The following ARHGEF19 variants were observed in gnomAD, a reference collection of about 807,000 sequenced individuals.
The protein encoded by ARHGEF19 is Rho guanine nucleotide exchange factor (GEF) 19.
In ARHGEF19, 92 loss-of-function variants were observed where a neutral mutation model predicts 87.6. The observed-to-expected ratio is 1.05, with a 90% CI of 0.89 to 1.25. The LOEUF is 1.25. Ranked by LOEUF, ARHGEF19 falls within the 50% of genes most tolerant of loss-of-function variation. The pLI is 0.00. For synonymous variants in ARHGEF19, 438 were observed against 446.2 expected, an observed-to-expected ratio of 0.98 and a Z score of 0.23; for missense variants, 1,054 against 1,051.8, an observed-to-expected ratio of 1.00 and a Z score of -0.03.
chr1:16,207,506 C>CG lies in ARHGEF19; in HGVS notation c.874+15_874+16insC, dbSNP rs1557541953. The CG allele has an allele frequency of 1.2e-6, 2 of 1,612,852 alleles. No individual in the cohort carries two copies. The highest frequency in any genetic ancestry group is 3.3e-5 in the Admixed American group (2 of 59,950). On this transcript the variant is annotated intron_variant, in intron 5 of 15. Coordinates refer to ENST00000270747, the MANE Select transcript of ARHGEF19 (RefSeq NM_153213.5). The surrounding 1 kb of genome is among the most constrained non-coding windows in gnomAD (Gnocchi z 4.0). ...TTCCTCCGTTACCTCCTCCCAGGGA[C>CG]CCCCCTCCCACGTACAGTTAAGGAG...
At chr1:16,199,075 T>G in intron 15 of ARHGEF19, 75 bp downstream of exon 15, 6 of 1,424,092 alleles carry the variant, frequency 4.2e-6, no homozygotes, top group South Asian at 1.2e-5. Flanking sequence ...CCTTTCCCTG[T>G]GATATCTTAG....
At chr1:16,212,183 C>A (rs1413556443) in intron 1 of ARHGEF19, among the ~76,000 whole-genome samples, 1 of 152,202 alleles carries the variant, frequency 6.6e-6, no homozygotes, top group Non-Finnish European at 1.5e-5. Flanking sequence ...GCCAGAGAGT[C>A]CCTGGACACT....
At chr1:16,200,375 A>G (rs2081074116) in intron 14 of ARHGEF19, among the ~76,000 whole-genome samples, 1 of 152,268 alleles carries the variant, frequency 6.6e-6, no homozygotes, top group African/African-American at 2.4e-5. Flanking sequence ...GGCCTATGGC[A>G]GGCGCTCAGT....
chr1:16,198,694 G>A lies in ARHGEF19; in HGVS notation c.2302C>T (p.Gln768Ter), dbSNP rs1272847315. 1.2e-6 allele frequency: 2 copies of A among 1,612,942 alleles called. No homozygotes were observed. Among genetic ancestry groups the A allele is most frequent in the Non-Finnish European group, 8.5e-7 (1 of 1,179,260 alleles). Reference sequence around the variant, plus strand: ...CTGCTGATCTCTTCCACATAGGCCTGGGGCACCCACCCCTTCTCACCATCT... The same window carrying A: ...CTGCTGATCTCTTCCACATAGGCCTAGGGCACCCACCCCTTCTCACCATCT... ...LADGEKGWVP[Q>*]AYVEEISSLS... The change falls in exon 16 of 16, where the codon CAG becomes TAG. Residue 768 changes from glutamine to a stop codon, truncating the protein, a stop_gained. Transcript: ENST00000270747. LOFTEE classifies it high-confidence loss of function. This position sits in a 1 kb window ranked among gnomAD's most constrained non-coding sequence, Gnocchi z 4.1.
chr1:16,204,981 A>G, intron 11 of ARHGEF19, 62 bp from the exon 12 acceptor site: 1 of 1,569,434 alleles, frequency 6.4e-7, no homozygotes, highest in Non-Finnish European at 8.6e-7. Flanking sequence ...ACAAGATGGT[A>G]GATGGGAGGG....
rs767807844 is a variant in ARHGEF19 at position 16,207,700 on chromosome 1, G to A, written c.772C>T (p.Arg258Ter). 12 of 1,614,022 alleles carry A rather than the reference G, an allele frequency of 7.4e-6. No homozygotes were observed. The highest frequency in any genetic ancestry group is 1.0e-5 in the Non-Finnish European group (12 of 1,180,010). ...RVSRPAPGDS[R>*]EGDWSEPRLD... is the part of the protein sequence containing the mutation. Reference sequence around the variant, plus strand: ...CTGGGCTCGGACCAATCGCCCTCTCGTGAGTCACCAGGGGCTGGCCGCGAC... The same window carrying A: ...CTGGGCTCGGACCAATCGCCCTCTCATGAGTCACCAGGGGCTGGCCGCGAC... The change falls in exon 4 of 16, where the codon CGA (arginine) becomes TGA (stop). Residue 258 changes from arginine (R) to a stop codon, truncating the protein, a stop_gained. Transcript: ENST00000270747. LOFTEE classifies it high-confidence loss of function. This position sits in a 1 kb window ranked among gnomAD's most constrained non-coding sequence, Gnocchi z 4.0.
In ARHGEF19 at chr1:16,205,446, A is replaced by G. The variant is rs767123426; in HGVS notation, c.1582-21T>C. Reference sequence around the variant, plus strand: ...ATGTTCTGGAAGGTGGGATCAGCACAATGAGGCAGTCCTCATACTCCCGAG... The same window carrying G: ...ATGTTCTGGAAGGTGGGATCAGCACGATGAGGCAGTCCTCATACTCCCGAG... On this transcript the variant is annotated intron_variant, in intron 9 of 15. Coordinates refer to ENST00000270747, the MANE Select transcript of ARHGEF19 (RefSeq NM_153213.5). This position sits in a 1 kb window ranked among gnomAD's most constrained non-coding sequence, Gnocchi z 5.8. 26 of 1,611,944 alleles carry G rather than the reference A, an allele frequency of 1.6e-5. No homozygotes were observed. The South Asian group carries it at 2.9e-4, about 18-fold the overall frequency.
Position 16,205,754 on chromosome 1 carries a change from G to C in ARHGEF19, c.1452-87C>G, listed in dbSNP as rs544777172. ...TGGCCATCCACGGGGTCCTCAGGGG[G>C]CTTCTCAGCACATCCTTACTGCCCT... On this transcript the variant is annotated intron_variant, in intron 8 of 15. Transcript: ENST00000270747. The surrounding 1 kb of genome is among the most constrained non-coding windows in gnomAD (Gnocchi z 5.8). The C allele has an allele frequency of 1.1e-5, 17 of 1,511,964 alleles. No homozygotes were observed. The African/African-American group carries it at 1.8e-4, about 16-fold the overall frequency. The allele number at this position is 1,511,964 out of a possible 1,614,324, so 93.7% of individuals were successfully genotyped here. A position where few individuals can be genotyped will look rare whatever the true frequency, so the allele number is the denominator to read the frequency against.
At position 16,205,475 on chromosome 1, in the gene ARHGEF19, C is replaced by T. The variant is rs370194551; in HGVS notation, c.1582-50G>A. On this transcript the variant is annotated intron_variant, in intron 9 of 15. Coordinates refer to ENST00000270747, the MANE Select transcript of ARHGEF19 (RefSeq NM_153213.5). The surrounding 1 kb of genome is among the most constrained non-coding windows in gnomAD (Gnocchi z 5.8). ...AGGCAGTCCTCATACTCCCGAGACCCGGCCCGCCCACAGGTGTATCTCCCT... is the reference window on the plus strand; with the variant it reads ...AGGCAGTCCTCATACTCCCGAGACCTGGCCCGCCCACAGGTGTATCTCCCT... 52 of 1,612,238 alleles carry T rather than the reference C, an allele frequency of 3.2e-5. No individual in the cohort carries two copies. The highest frequency in any genetic ancestry group is 4.2e-5 in the Non-Finnish European group (49 of 1,179,440).
chr1:16,208,733 C>T lies in ARHGEF19; in HGVS notation c.322G>A (p.Ala108Thr), dbSNP rs1168276862. ...RAGSWPHCPG[A>T]QPPALEGPWS... Reference sequence around the variant, plus strand: ...GGTCCCTCCAGAGCTGGGGGCTGGGCACCAGGACAGTGTGGCCAGCTGCCA... The same window carrying T: ...GGTCCCTCCAGAGCTGGGGGCTGGGTACCAGGACAGTGTGGCCAGCTGCCA... Residue 108 changes from alanine to threonine, a missense_variant, in exon 2 of 16, where the codon GCC (alanine) becomes ACC (threonine). Transcript: ENST00000270747. 2 of 1,610,838 alleles carry T rather than the reference C, an allele frequency of 1.2e-6. No homozygotes were observed. The highest frequency in any genetic ancestry group is 4.5e-5 in the East Asian group (2 of 44,802).
chr1:16,203,869 G>A (rs221047), intron 12 of ARHGEF19, among the ~76,000 whole-genome samples: 124,468 of 152,176 alleles, frequency 0.82, 51,346 homozygotes, highest in Admixed American at 0.86. Context: ...TGATATGGTT[G>A]TCAGAATGTA....
chr1:16,205,363 ATTGAAGGCC>A lies in ARHGEF19; in HGVS notation c.1635_1643del (p.Lys545_Phe547del). 1 of 1,613,692 alleles carries A rather than the reference ATTGAAGGCC, an allele frequency of 6.2e-7. No individual in the cohort carries two copies. On this transcript the variant is annotated inframe_deletion, in exon 10 of 16. Coordinates refer to ENST00000270747, the MANE Select transcript of ARHGEF19 (RefSeq NM_153213.5). The surrounding 1 kb of genome is among the most constrained non-coding windows in gnomAD (Gnocchi z 5.8). ...CTGCCCAGCTCACCTCCTTGAGCGC[ATTGAAGGCC>A]TTGGTGGCCATGTCTTCGTCTTCAG...
In ARHGEF19 at chr1:16,207,807, G is replaced by A; in HGVS notation, c.695-30C>T. 1 of 1,611,038 alleles carries A rather than the reference G, an allele frequency of 6.2e-7. No homozygotes were observed. Among genetic ancestry groups the A allele is most frequent in the South Asian group, 1.1e-5 (1 of 90,956 alleles). On this transcript the variant is annotated intron_variant, in intron 3 of 15. Coordinates refer to ENST00000270747, the MANE Select transcript of ARHGEF19 (RefSeq NM_153213.5). This position sits in a 1 kb window ranked among gnomAD's most constrained non-coding sequence, Gnocchi z 4.0. ...AGAGGGCGAGAACTGAGGGTGGGGG[G>A]TCCAGAGAGTGGGCCTGGGGCCTGG...
In ARHGEF19 at chr1:16,202,419, G is replaced by A. The variant is rs781670693; in HGVS notation, c.2063C>T (p.Thr688Met). 2.3e-5 allele frequency: 37 copies of A among 1,611,688 alleles called. No individual in the cohort carries two copies. The highest frequency in any genetic ancestry group is 3.4e-5 in the Admixed American group (2 of 59,682). The change falls in exon 13 of 16, where the codon ACG becomes ATG. Residue 688 changes from threonine to methionine, a missense_variant. Coordinates refer to ENST00000270747, the MANE Select transcript of ARHGEF19 (RefSeq NM_153213.5). ...TCCCATATCCAGGCCCACTCACTCC[G>A]TCCGGGCCCGCAGCAGGAACTGGTG... ...MKHQFLLRAR[T>M]ESEKQRWISA... is the part of the protein sequence containing the mutation.
Position 16,206,954 on chromosome 1 carries a change from C to T in ARHGEF19, c.1131G>A (p.Leu377=). 6.7e-7 allele frequency: 1 copy of T among 1,490,960 alleles called. No individual in the cohort carries two copies. The highest frequency in any genetic ancestry group is 2.3e-5 in the Admixed American group (1 of 43,106). 92.4% of individuals were successfully genotyped at this position (1,490,960 alleles called of 1,614,324 possible). ...GGTCCCCGCGCGCGCCCACCTCCTG[C>T]AGCTTGCAGTCCCGCAGGCTCAGCG... ...LATLSLRDCK[L]QEAKFELITS... is the part of the protein sequence containing the mutation. Residue 377 remains leucine (L), a synonymous_variant, in exon 6 of 16, where the codon CTG becomes CTA. Transcript: ENST00000270747. This position sits in a 1 kb window ranked among gnomAD's most constrained non-coding sequence, Gnocchi z 4.6.
At position 16,207,695 on chromosome 1, in the gene ARHGEF19, C is replaced by G; in HGVS notation, c.777G>C (p.Glu259Asp). 3 of 1,614,080 alleles carry G rather than the reference C, an allele frequency of 1.9e-6. No homozygotes were observed. Among genetic ancestry groups the G allele is most frequent in the Middle Eastern group, 1.6e-4 (1 of 6,062 alleles). The change falls in exon 4 of 16, where the codon GAG becomes GAC. Residue 259 changes from glutamate (E) to aspartate (D), a missense_variant. Coordinates refer to ENST00000270747, the MANE Select transcript of ARHGEF19 (RefSeq NM_153213.5). The surrounding 1 kb of genome is among the most constrained non-coding windows in gnomAD (Gnocchi z 4.0). The part of the protein sequence containing the change: ...VSRPAPGDSR[E>D]GDWSEPRLDT... ...GGTACCTGGGCTCGGACCAATCGCC[C>G]TCTCGTGAGTCACCAGGGGCTGGCC...
chr1:16,211,574 A>G (rs2081197022), intron 1 of ARHGEF19, among the ~76,000 whole-genome samples: 2 of 150,054 alleles, frequency 1.3e-5, no homozygotes, highest in Non-Finnish European at 3.0e-5. Flanking sequence ...TCCCGGGGAG[A>G]TGAAGCTGGA....
rs745805697 is a variant in ARHGEF19 at position 16,207,550 on chromosome 1, C to T, written c.846G>A (p.Glu282=). The T allele has an allele frequency of 9.3e-6, 15 of 1,613,912 alleles. No individual in the cohort carries two copies. Among genetic ancestry groups the T allele is most frequent in the Non-Finnish European group, 1.3e-5 (15 of 1,180,014 alleles). Residue 282 remains glutamate (E), a synonymous_variant, in exon 5 of 16, where the codon GAG becomes GAA. Transcript: ENST00000270747. This position sits in a 1 kb window ranked among gnomAD's most constrained non-coding sequence, Gnocchi z 4.0. ...TAAGGAGGAATCGAGACTGGCGCCG[C>T]TCGTTGGTGCTCCTGGACCCCAAAG... is the stretch of plus-strand genomic sequence containing the variant. The part of the protein sequence containing the change: ...EPPLGSRSTN[E]RRQSRFLLNS...
chr1:16,202,082 GATGCCA>G (rs978193033), intron 13 of ARHGEF19, among the ~76,000 whole-genome samples: 7 of 151,220 alleles, frequency 4.6e-5, no homozygotes, highest in Admixed American at 4.6e-4. Context: ...GAACCCCCTG[GATGCCA>G]GCCCTACCCC....
Sources: gnomAD v4.1 joint callset for allele counts (sites outside exome capture counted in the v4.1 genomes callset) on GRCh38, gnomAD v4.1.1 for gene constraint, Gnocchi (gnomAD v3.1) non-coding constraint, MANE v1.5 for transcripts, NCBI Gene and HGNC (gene_info 2026-07-23, HGNC 2026-07-21) for gene names.